Variants in E2F1 observed in about 807,000 individuals in gnomAD.
E2F1 encodes the protein E2F transcription factor 1, also known as transcription factor E2F1.
Under a neutral mutation model 36.9 loss-of-function variants are expected in E2F1, and 7 were observed. The observed-to-expected ratio is 0.19, with a 90% confidence interval of 0.11 to 0.36. E2F1 has a LOEUF of 0.36. Among genes scored for constraint, E2F1 ranks in the 10% least tolerant of loss-of-function variants. The probability of loss-of-function intolerance (pLI) is 1.00; values close to 1 mark genes in which losing one functional copy is unlikely to be tolerated. For missense variants in E2F1, 406 were observed against 573.6 expected (o/e 0.71, Z 2.99); for synonymous variants, 261 against 263.1 (o/e 0.99, Z 0.08).
In E2F1 at chr20:33,676,792, G is replaced by T. The variant is rs769138235; in HGVS notation, c.1254C>A (p.Gly418=). The T allele has an allele frequency of 1.2e-6, 2 of 1,604,884 alleles. No homozygotes were observed. Among genetic ancestry groups the T allele is most frequent in the South Asian group, 2.2e-5 (2 of 89,488 alleles). The change falls in exon 7 of 7, where the codon GGC becomes GGA. Residue 418 remains glycine, a synonymous_variant. Transcript: ENST00000343380. ...ALDYHFGLEE[G]EGIRDLFDCD... is the part of the protein sequence containing the mutation. The stretch of plus-strand genomic sequence containing the variant: ...AGTCGAAGAGGTCTCTGATGCCCTC[G>T]CCCTCCTCGAGGCCGAAGTGGTAGT...
chr20:33,677,644 C>A, intron 4 of E2F1, 104 bp from the exon 5 acceptor site: 1 of 815,166 alleles, frequency 1.2e-6, no homozygotes, highest in South Asian at 1.7e-5. Flanking sequence ...CCTGTCCTCC[C>A]AACCTCCTAC....
chr20:33,680,424 G>C lies in E2F1; in HGVS notation c.262-8C>G, dbSNP rs769788979. 1 of 1,612,618 alleles carries C rather than the reference G, an allele frequency of 6.2e-7. No individual in the cohort carries two copies. On this transcript the variant is annotated splice_region_variant and splice_polypyrimidine_tract_variant and intron_variant, in intron 1 of 6. Coordinates refer to ENST00000343380, the MANE Select transcript of E2F1 (RefSeq NM_005225.3). The stretch of plus-strand genomic sequence containing the variant: ...GTCCAGCCTCCGCTTCACCTGTGGC[G>C]AAAACGGGAGGATGCCCAGTAACCA...
Position 33,679,961 on chromosome 20 carries a change from C to T in E2F1, c.366G>A (p.Pro122=), listed in dbSNP as rs371552146. Residue 122 remains proline (P), a synonymous_variant, in exon 3 of 7, where the codon CCG becomes CCA. Transcript: ENST00000343380. This position sits in a 1 kb window ranked among gnomAD's most constrained non-coding sequence, Gnocchi z 4.6. ...GRHPGKGVKS[P]GEKSRYETSL... ...AGGTCTCATAGCGTGACTTCTCCCC[C>T]GGGGATTTCACACCTGTGGGGGTGT... The T allele has an allele frequency of 1.9e-5, 30 of 1,613,636 alleles. No homozygotes were observed. The highest frequency in any genetic ancestry group is 2.3e-5 in the Non-Finnish European group (27 of 1,179,778).
Position 33,677,218 on chromosome 20 carries a change from G to C in E2F1, c.953C>G (p.Ser318Cys). ...PGKTPSQEVTSEEENRATDSA... is the reference protein window; with the variant it reads ...PGKTPSQEVTCEEENRATDSA... ...GTCAGTGGCCCTGTTCTCCTCCTCA[G>C]AAGTGACCTCCTGGGATGGGGTCTT... The change falls in exon 6 of 7, where the codon TCT becomes TGT. Residue 318 changes from serine to cysteine, a missense_variant. Physicochemically the swap from Ser to Cys is moderately radical, Grantham distance 112. Coordinates refer to ENST00000343380, the MANE Select transcript of E2F1 (RefSeq NM_005225.3). 1 of 1,614,188 alleles carries C rather than the reference G, an allele frequency of 6.2e-7. No homozygotes were observed. Among genetic ancestry groups the C allele is most frequent in the Non-Finnish European group, 8.5e-7 (1 of 1,180,010 alleles).
intron 1 of E2F1, among the ~76,000 whole-genome samples, chr20:33,684,638 A>G (rs191721820): frequency 5.8e-4 from 88 of 151,788 alleles, no homozygotes; most frequent in African/African-American, 2.0e-3. Flanking sequence ...GAGTTAATTA[A>G]GTAAAGCGCT....
At chr20:33,684,699 T>C (rs2018049492) in intron 1 of E2F1, among the ~76,000 whole-genome samples, 1 of 152,122 alleles carries the variant, frequency 6.6e-6, no homozygotes, top group Non-Finnish European at 1.5e-5. Context: ...GTGGCTGCTA[T>C]TGTTATTATT....
At position 33,680,399 on chromosome 20, in the gene E2F1, G is replaced by T. The variant is rs560305222; in HGVS notation, c.279C>A (p.Asp93Glu). 1.5e-5 allele frequency: 24 copies of T among 1,613,986 alleles called. No individual in the cohort carries two copies. In the South Asian group the frequency reaches 1.5e-4, roughly 10 times the overall value. The change falls in exon 2 of 7, where the codon GAC becomes GAA. Residue 93 changes from aspartate (D) to glutamate (E), a missense_variant. Coordinates refer to ENST00000343380, the MANE Select transcript of E2F1 (RefSeq NM_005225.3). Reference sequence around the variant, plus strand: ...CCAGGTACTGATGGTCAGTTTCCAGGTCCAGCCTCCGCTTCACCTGTGGCG... The same window carrying T: ...CCAGGTACTGATGGTCAGTTTCCAGTTCCAGCCTCCGCTTCACCTGTGGCG... ...LGRPPVKRRL[D>E]LETDHQYLAE... is the part of the protein sequence containing the mutation.
At chr20:33,677,604 C>T (rs2017977546) in intron 4 of E2F1, 64 bp from the exon 5 acceptor site, 1 of 1,302,292 alleles carries the variant, frequency 7.7e-7, no homozygotes. Context: ...CAACAGCTCA[C>T]AAGGCAGGGC....
rs562694063 is a variant in E2F1 at position 33,681,966 on chromosome 20, A to G, written c.262-1550T>C. 1.2e-4 allele frequency among the ~76,000 whole-genome samples: 19 copies of G among 152,230 alleles called. No individual in the cohort carries two copies. The East Asian group carries it at 3.5e-3, about 28-fold the overall frequency. ...CCGAGTCACGTTTTCCCAGAAATCT[A>G]GACTGCCCTTGCATCCCTCCCACCC... On this transcript the variant is annotated intron_variant, in intron 1 of 6. Transcript: ENST00000343380.
chr20:33,682,832 A>G (rs1222982392), intron 1 of E2F1, among the ~76,000 whole-genome samples: 2 of 152,244 alleles, frequency 1.3e-5, no homozygotes, highest in Admixed American at 6.5e-5. Context: ...CAGGTTGACA[A>G]GAATCCCCTC....
Position 33,679,713 on chromosome 20 carries a change from C to T in E2F1, c.572+42G>A, listed in dbSNP as rs1230457551. On this transcript the variant is annotated intron_variant, in intron 3 of 6. Transcript: ENST00000343380. This position sits in a 1 kb window ranked among gnomAD's most constrained non-coding sequence, Gnocchi z 4.6. ...ATTACTACCAGCTCCTCCAGGCTGG[C>T]ATGGGCAGGTGTGCCTGCCCTCCTG... 7 of 1,578,836 alleles carry T rather than the reference C, an allele frequency of 4.4e-6. No individual in the cohort carries two copies. The African/African-American group carries it at 8.1e-5, about 18-fold the overall frequency.
chr20:33,684,351 A>ACAGG (rs1382868287), intron 1 of E2F1, among the ~76,000 whole-genome samples: 1 of 152,180 alleles, frequency 6.6e-6, no homozygotes, highest in African/African-American at 2.4e-5. Context: ...ACCCACAGGA[A>ACAGG]CAGGCCCCTG....
chr20:33,676,972 C>G lies in E2F1; in HGVS notation c.1074G>C (p.Leu358=). 6.4e-7 allele frequency: 1 copy of G among 1,566,612 alleles called. No homozygotes were observed. Among genetic ancestry groups the G allele is most frequent in the Non-Finnish European group, 8.7e-7 (1 of 1,153,316 alleles). The stretch of plus-strand genomic sequence containing the variant: ...CCCGCAGGCTGCCCATCCGGGACAA[C>G]AGCGGTTCTGGGGAGACGGGGAGCA... ...QSLLSLEQEP[L]LSRMGSLRAP... is the part of the protein sequence containing the mutation. The change falls in exon 7 of 7, where the codon CTG becomes CTC. Residue 358 remains leucine (L), a synonymous_variant. Coordinates refer to ENST00000343380, the MANE Select transcript of E2F1 (RefSeq NM_005225.3).
chr20:33,678,105 A>G lies in E2F1; in HGVS notation c.725+96T>C, dbSNP rs140060430. 95 of 1,424,330 alleles carry G rather than the reference A, an allele frequency of 6.7e-5. No homozygotes were observed. In the African/African-American group the frequency reaches 1.2e-3, roughly 18 times the overall value. 88.2% of individuals were successfully genotyped at this position (1,424,330 alleles called of 1,614,324 possible). On this transcript the variant is annotated intron_variant, in intron 4 of 6. Transcript: ENST00000343380. ...AGCCAGGACTTGCAACCAAAATCAG[A>G]GCTCTCTCTTAAATCCAAGCCTCTC...
Position 33,686,097 on chromosome 20 carries a change from G to A in E2F1, c.168C>T (p.Ala56=). ...PAPTGPAAPA[A]GPCDPDLLLF... ...GCAGCAGGTCAGGGTCGCAGGGGCC[G>A]GCGGCGGGCGCCGCGGGGCCGGTGG... is the stretch of plus-strand genomic sequence containing the variant. Residue 56 remains alanine, a synonymous_variant, in exon 1 of 7, where the codon GCC becomes GCT. Transcript: ENST00000343380. 6 of 1,087,136 alleles carry A rather than the reference G, an allele frequency of 5.5e-6. No individual in the cohort carries two copies. Among genetic ancestry groups the A allele is most frequent in the East Asian group, 5.9e-5 (1 of 16,820 alleles). 67.3% of individuals were successfully genotyped at this position (1,087,136 alleles called of 1,614,324 possible). A position where few individuals can be genotyped will look rare whatever the true frequency, so the allele number is the denominator to read the frequency against.
In E2F1 at chr20:33,676,992, G is replaced by A. The variant is rs1273681093; in HGVS notation, c.1067-13C>T. ...GACAACAGCGGTTCTGGGGAGACGG[G>A]GAGCATCACAGGCCGGGGATGCCCC... On this transcript the variant is annotated splice_polypyrimidine_tract_variant and intron_variant, in intron 6 of 6. Transcript: ENST00000343380. The A allele has an allele frequency of 6.4e-7, 1 of 1,559,496 alleles. No homozygotes were observed. Among genetic ancestry groups the A allele is most frequent in the Non-Finnish European group, 8.7e-7 (1 of 1,148,454 alleles).
Position 33,676,364 on chromosome 20 carries a change from C to T in E2F1, c.*368G>A, listed in dbSNP as rs942498001. The stretch of plus-strand genomic sequence containing the variant: ...AAAGTGCAGTTAGAGCCCCCCCACG[C>T]GCACACATGGACTCATGCACACACA... On this transcript the variant is annotated 3_prime_UTR_variant, in exon 7 of 7. Transcript: ENST00000343380. The T allele has an allele frequency of 5.1e-5, 9 of 177,874 alleles. No individual in the cohort carries two copies. Among genetic ancestry groups the T allele is most frequent in the African/African-American group, 1.7e-4 (7 of 42,366 alleles). The allele number at this position is 177,874 out of a possible 1,614,324, so 11.0% of individuals were successfully genotyped here.
Position 33,680,334 on chromosome 20 carries a change from G to T in E2F1, c.344C>A (p.Pro115Gln). ...CCAAGCTCCATAGGTACCTTTTCCTGGATGGCGGCCTCTGCCCCGAGCTGG... is the reference window on the plus strand; with the variant it reads ...CCAAGCTCCATAGGTACCTTTTCCTTGATGGCGGCCTCTGCCCCGAGCTGG... ...SGPARGRGRH[P>Q]GKGVKSPGEK... Residue 115 changes from proline (P) to glutamine (Q), a missense_variant, in exon 2 of 7, where the codon CCA (proline) becomes CAA (glutamine). Around this residue, in one of 5 missense-constraint regions of E2F1, gnomAD observed 77 missense variants for 131.7 expected, o/e 0.58. Transcript: ENST00000343380. The T allele has an allele frequency of 6.2e-7, 1 of 1,614,128 alleles. No homozygotes were observed. The highest frequency in any genetic ancestry group is 2.2e-5 in the East Asian group (1 of 44,884).
At chr20:33,682,939 ATAT>A (rs2018030953) in intron 1 of E2F1, among the ~76,000 whole-genome samples, 1 of 152,212 alleles carries the variant, frequency 6.6e-6, no homozygotes, top group Admixed American at 6.5e-5. Context: ...GGTTCAGTTT[ATAT>A]TATTATAGAA....
Sources: gnomAD v4.1 joint callset for allele counts (sites outside exome capture counted in the v4.1 genomes callset) on GRCh38, gnomAD v4.1.1 for gene constraint, gnomAD v4.1.1 regional missense constraint, Gnocchi (gnomAD v3.1) non-coding constraint, MANE v1.5 for transcripts, NCBI Gene and HGNC (gene_info 2026-07-23, HGNC 2026-07-21) for gene names.